The following NOS2 variants were observed in gnomAD, a reference collection of about 807,000 sequenced individuals.
NOS2 encodes nitric oxide synthase 2.
Under a neutral mutation model 136.0 loss-of-function variants are expected in NOS2, and 96 were observed. The ratio of observed to expected loss-of-function variants is 0.71; its 90% CI spans 0.60 to 0.84. The LOEUF (loss-of-function observed/expected upper bound fraction) is 0.84. NOS2 is among the 40% of genes least tolerant of loss of function. NOS2 has a pLI of 0.00. For missense variants in NOS2, 1,237 were observed against 1,496.9 expected (o/e 0.83, Z 2.87); for synonymous variants, 539 against 587.5 (o/e 0.92, Z 1.20).
Position 27,780,844 on chromosome 17 carries a change from C to A in NOS2, c.927G>T (p.Leu309=). 1 of 1,614,196 alleles carries A rather than the reference C, an allele frequency of 6.2e-7. No individual in the cohort carries two copies. Among genetic ancestry groups the A allele is most frequent in the Non-Finnish European group, 8.5e-7 (1 of 1,180,024 alleles). The change falls in exon 9 of 27, where the codon CTG becomes CTT. Residue 309 remains leucine (L), a synonymous_variant. Coordinates refer to ENST00000313735, the MANE Select transcript of NOS2 (RefSeq NM_000625.4). ...YGRFDVVPLV[L]QANGRDPELF... Reference sequence around the variant, plus strand: ...GCTCAGGGTCACGGCCATTGGCCTGCAGGACCAGGGGGACCACATCGAAGC... The same window carrying A: ...GCTCAGGGTCACGGCCATTGGCCTGAAGGACCAGGGGGACCACATCGAAGC...
intron 23 of NOS2, 37 bp downstream of exon 23, chr17:27,761,107 G>C (rs1908110679): frequency 6.7e-7 from 1 of 1,503,418 alleles, no homozygotes; most frequent in South Asian, 1.3e-5. Flanking sequence ...CCAGGGGTCG[G>C]CGGCCCCACA....
At position 27,772,453 on chromosome 17, in the gene NOS2, CTG is replaced by C. The variant is rs1908527035; in HGVS notation, c.1560-3_1560-2del. ...CAGCATACAGGCAAAGAGCACAGCT[CTG>C]TGGGGACAGACAGACAGGCAGGCGC... On this transcript the variant is annotated splice_acceptor_variant and splice_polypyrimidine_tract_variant and intron_variant, in intron 13 of 26. Coordinates refer to ENST00000313735, the MANE Select transcript of NOS2 (RefSeq NM_000625.4). LOFTEE classifies it high-confidence loss of function. 4 of 1,613,748 alleles carry C rather than the reference CTG, an allele frequency of 2.5e-6. No individual in the cohort carries two copies. The highest frequency in any genetic ancestry group is 3.4e-6 in the Non-Finnish European group (4 of 1,180,026).
At chr17:27,793,760 C>G in intron 2 of NOS2, 1 of 387,604 alleles carries the variant, frequency 2.6e-6, no homozygotes, top group East Asian at 3.7e-5. Context: ...CTTTATCGCT[C>G]GGAGCCTGCA....
Position 27,760,049 on chromosome 17 carries a change from C to T in NOS2, c.3140G>A (p.Arg1047His), listed in dbSNP as rs375424266. Residue 1047 changes from arginine to histidine, a missense_variant, in exon 25 of 27, where the codon CGC becomes CAC. By Grantham distance (29) the Arg-to-His change is conservative. Coordinates refer to ENST00000313735, the MANE Select transcript of NOS2 (RefSeq NM_000625.4). ...ATTTACCTTGGGCTTGCCAGGCAGG[C>T]GGGAATAGGCTGTGTGCACCGCATG... ...VLHAVHTAYSRLPGKPKVYVQ... is the reference protein window; with the variant it reads ...VLHAVHTAYSHLPGKPKVYVQ... 11 of 1,544,438 alleles carry T rather than the reference C, an allele frequency of 7.1e-6. No individual in the cohort carries two copies. The highest frequency in any genetic ancestry group is 9.6e-6 in the Non-Finnish European group (11 of 1,147,528).
intron 21 of NOS2, among the ~76,000 whole-genome samples, chr17:27,763,537 C>A (rs1349919722): frequency 3.3e-5 from 5 of 152,316 alleles, no homozygotes; most frequent in Admixed American, 2.0e-4. Flanking sequence ...TTTGCAAAGA[C>A]TTGGAACCAG....
chr17:27,757,867 C>G (rs917890775), intron 26 of NOS2, among the ~76,000 whole-genome samples: 1 of 151,900 alleles, frequency 6.6e-6, no homozygotes, highest in South Asian at 2.1e-4. Context: ...TTCAAACACG[C>G]CAGCTTAACT....
rs149522227 is a variant in NOS2, at chr17:27,797,238, G to A, written c.110+1462C>T. ...ACCTGACTTCTGTGAAGCCCCTAGAGGGAACTCTGTTCAATTTTGCTCCAT... is the reference window on the plus strand; with the variant it reads ...ACCTGACTTCTGTGAAGCCCCTAGAAGGAACTCTGTTCAATTTTGCTCCAT... On this transcript the variant is annotated intron_variant, in intron 2 of 26. Coordinates refer to ENST00000313735, the MANE Select transcript of NOS2 (RefSeq NM_000625.4). 7.9e-5 allele frequency among the ~76,000 whole-genome samples: 12 copies of A among 152,276 alleles called. No individual in the cohort carries two copies. The East Asian group carries it at 2.3e-3, about 29-fold the overall frequency.
intron 26 of NOS2, among the ~76,000 whole-genome samples, chr17:27,758,060 T>G (rs1418822169): frequency 3.9e-5 from 6 of 152,250 alleles, no homozygotes; most frequent in Admixed American, 1.3e-4. Context: ...TGTTTCCTGC[T>G]GTTTTTCTCT....
At chr17:27,760,297 A>G in intron 24 of NOS2, 119 bp from the exon 25 acceptor site, 1 of 1,091,180 alleles carries the variant, frequency 9.2e-7, no homozygotes, top group Non-Finnish European at 1.3e-6. Flanking sequence ...TCCCCACTTT[A>G]CAGATGAGGA....
At chr17:27,777,450 G>A (rs968845044) in intron 11 of NOS2, among the ~76,000 whole-genome samples, 5 of 152,190 alleles carry the variant, frequency 3.3e-5, no homozygotes, top group African/African-American at 7.2e-5. Context: ...GGAGCCCAGC[G>A]GCTGTGTGTG....
At chr17:27,792,258 C>T (rs1476272720) in intron 2 of NOS2, among the ~76,000 whole-genome samples, 2 of 150,886 alleles carry the variant, frequency 1.3e-5, no homozygotes, top group South Asian at 2.1e-4. Flanking sequence ...TATACACAGT[C>T]TGATGCTGGC....
chr17:27,789,534 C>A, intron 3 of NOS2, 70 bp downstream of exon 3: 1 of 1,223,556 alleles, frequency 8.2e-7, no homozygotes, highest in Non-Finnish European at 1.2e-6. Flanking sequence ...CCAGCTCTAA[C>A]AGGCTGCTAT....
At chr17:27,796,295 C>T (rs962921695) in intron 2 of NOS2, among the ~76,000 whole-genome samples, 18 of 151,916 alleles carry the variant, frequency 1.2e-4, no homozygotes, top group Non-Finnish European at 2.4e-4. Flanking sequence ...ACTAAAAATA[C>T]AAAAATTAAC....
At position 27,799,060 on chromosome 17, in the gene NOS2, T is replaced by C. The variant is rs28998800; in HGVS notation, c.-73-178A>G. On this transcript the variant is annotated intron_variant, in intron 1 of 26. Transcript: ENST00000313735. Reference sequence around the variant, plus strand: ...AATGGGGAGCCTTCGGACACAGACTTCAATTCTGTAAAGCCACCTAATAAT... The same window carrying C: ...AATGGGGAGCCTTCGGACACAGACTCCAATTCTGTAAAGCCACCTAATAAT... Among the ~76,000 whole-genome samples the C allele has an allele frequency of 2.1e-3, 323 of 152,208 alleles. 5 individuals carry two copies. In the East Asian group the frequency reaches 0.045, roughly 21 times the overall value.
intron 12 of NOS2, among the ~76,000 whole-genome samples, chr17:27,773,461 G>A (rs940570664): frequency 6.6e-6 from 1 of 152,210 alleles, no homozygotes; most frequent in Non-Finnish European, 1.5e-5. Flanking sequence ...CCTGCACATC[G>A]AGGGGGGGCG....
intron 9 of NOS2, among the ~76,000 whole-genome samples, chr17:27,780,457 C>T (rs1325219365): frequency 6.6e-6 from 1 of 152,202 alleles, no homozygotes; most frequent in African/African-American, 2.4e-5. Context: ...GCCTGGGCTG[C>T]TCCTTTCTAG....
intron 5 of NOS2, among the ~76,000 whole-genome samples, chr17:27,787,381 T>A (rs541030827): frequency 6.6e-6 from 1 of 152,250 alleles, no homozygotes; most frequent in Non-Finnish European, 1.5e-5. Context: ...GCAAAAGTAG[T>A]TGCAGTTTTT....
intron 12 of NOS2, among the ~76,000 whole-genome samples, 166 bp from the exon 13 acceptor site, chr17:27,773,409 T>C (rs1220710386): frequency 6.6e-6 from 1 of 152,206 alleles, no homozygotes; most frequent in Admixed American, 6.5e-5. Flanking sequence ...GGGCCGTGGC[T>C]GCCTCTCCCC....
At chr17:27,792,218 T>C (rs1338823745) in intron 2 of NOS2, among the ~76,000 whole-genome samples, 1 of 152,250 alleles carries the variant, frequency 6.6e-6, no homozygotes, top group Non-Finnish European at 1.5e-5. Flanking sequence ...GTGTCTAGTT[T>C]TGCCCTCATA....
Sources: allele counts gnomAD v4.1 joint callset (sites outside exome capture counted in the v4.1 genomes callset), GRCh38; gene constraint gnomAD v4.1.1; transcripts MANE v1.5; gene names NCBI Gene and HGNC (gene_info 2026-07-23, HGNC 2026-07-21).